Variants in PABPC4 observed in about 807,000 individuals in gnomAD.
PABPC4 encodes poly(A) binding protein cytoplasmic 4, also known as polyadenylate-binding protein 4.
A neutral mutation model predicts 74.5 loss-of-function variants in PABPC4; 15 were observed. The observed-to-expected ratio is 0.20, with a 90% CI of 0.13 to 0.31. PABPC4 has a LOEUF of 0.31. Ranked by LOEUF, PABPC4 falls within the 10% of genes least tolerant of loss-of-function variation. PABPC4 has a pLI of 1.00. For synonymous variants in PABPC4, 345 were observed against 303.0 expected, an observed-to-expected ratio of 1.14 and a Z score of -1.44; for missense variants, 610 against 853.5, an observed-to-expected ratio of 0.71 and a Z score of 3.55.
chr1:39,565,217 C>T lies in PABPC4; in HGVS notation c.1134G>A (p.Leu378=). 1.2e-6 allele frequency: 2 copies of T among 1,614,194 alleles called. No individual in the cohort carries two copies. ...AQRKEERKAH[L]TNQYMQRVAG... ...CCACTCGTTGCATATACTGGTTGGT[C>T]AGGTGAGCCTTTCTCTCTTCCTTCC... The change falls in exon 8 of 16, where the codon CTG becomes CTA. Residue 378 remains leucine, a synonymous_variant. Coordinates refer to ENST00000372858, the MANE Select transcript of PABPC4 (RefSeq NM_001135653.2).
At chr1:39,572,349 G>A (rs1254421269) in intron 2 of PABPC4, 44 bp downstream of exon 2, 1 of 1,378,054 alleles carries the variant, frequency 7.3e-7, no homozygotes. Flanking sequence ...TTGTTTTCAA[G>A]AATCAATTAA....
intron 14 of PABPC4, 117 bp from the exon 15 acceptor site, chr1:39,561,904 GCTAA>G (rs1645774469): frequency 1.7e-6 from 2 of 1,170,732 alleles, no homozygotes; most frequent in East Asian, 2.4e-5. Flanking sequence ...GGCTTCTGGT[GCTAA>G]CTACTTTCCC....
intron 7 of PABPC4, among the ~76,000 whole-genome samples, chr1:39,565,595 C>T (rs976398969): frequency 6.6e-6 from 1 of 151,980 alleles, no homozygotes; most frequent in Admixed American, 6.6e-5. Flanking sequence ...TTTGGGAGGC[C>T]GAGGTGGGTG....
intron 1 of PABPC4, 74 bp downstream of exon 1, chr1:39,575,685 G>C: frequency 7.8e-7 from 1 of 1,286,538 alleles, no homozygotes; most frequent in Non-Finnish European, 1.1e-6. Context: ...CTCCTCGGCA[G>C]GAGGGCCCTG....
rs982250049 is a variant in PABPC4 at position 39,561,930 on chromosome 1, GCAGCCTCCAGTCA to G, written c.1893+130_1893+142del. ...CTAACTACTTTCCCAAATACCCACTGCAGCCTCCAGTCACAGTCAAGGCATGACGAGAGGGGTC... is the reference window on the plus strand; with the variant it reads ...CTAACTACTTTCCCAAATACCCACTGCAGTCAAGGCATGACGAGAGGGGTC... On this transcript the variant is annotated intron_variant, in intron 14 of 15. Transcript: ENST00000372858. 6.8e-5 allele frequency: 79 copies of G among 1,159,484 alleles called. 1 individual carries two copies. The Middle Eastern group carries it at 1.6e-3, about 24-fold the overall frequency. 71.8% of individuals were successfully genotyped at this position (1,159,484 alleles called of 1,614,324 possible). A position where few individuals can be genotyped will look rare whatever the true frequency, so the allele number is the denominator to read the frequency against.
intron 1 of PABPC4, among the ~76,000 whole-genome samples, chr1:39,574,697 G>C (rs1056805501): frequency 6.6e-6 from 1 of 152,228 alleles, no homozygotes; most frequent in Admixed American, 6.5e-5. Context: ...GTAACTCTGG[G>C]CCTCAGACAG....
At chr1:39,563,119 G>C (rs749436638) in intron 12 of PABPC4, 1 of 155,932 alleles carries the variant, frequency 6.4e-6, no homozygotes, top group South Asian at 2.0e-4. Context: ...AAACAAACTA[G>C]TTGCATCTAG....
intron 7 of PABPC4, 114 bp downstream of exon 7, chr1:39,567,636 AG>A: frequency 1.4e-6 from 1 of 702,964 alleles, no homozygotes; most frequent in East Asian, 2.5e-5. Context: ...AGAAAAACGT[AG>A]TAGCTACTTT....
intron 7 of PABPC4, chr1:39,567,297 C>T: frequency 2.2e-6 from 1 of 453,446 alleles, no homozygotes; most frequent in Admixed American, 2.5e-5. Flanking sequence ...ACTCCCCTTT[C>T]CTCTCTTTTT....
intron 14 of PABPC4, 140 bp downstream of exon 14, chr1:39,561,933 G>T: frequency 1.7e-6 from 2 of 1,161,544 alleles, no homozygotes; most frequent in Non-Finnish European, 2.5e-6. Flanking sequence ...ACCCACTGCA[G>T]CCTCCAGTCA....
intron 3 of PABPC4, 28 bp downstream of exon 3, chr1:39,571,206 G>C: frequency 6.2e-7 from 1 of 1,613,686 alleles, no homozygotes; most frequent in Non-Finnish European, 8.5e-7. Context: ...CTCATGCGAT[G>C]GTTGTTGCTC....
At chr1:39,562,641 T>G in intron 12 of PABPC4, 7 of 444,668 alleles carry the variant, frequency 1.6e-5, no homozygotes, top group East Asian at 6.8e-5. Context: ...AATGGCATGC[T>G]ATCAGAAAGC....
At chr1:39,565,077 C>T in intron 8 of PABPC4, 29 bp downstream of exon 8, 2 of 1,610,172 alleles carry the variant, frequency 1.2e-6, no homozygotes, top group Non-Finnish European at 1.7e-6. Flanking sequence ...GGCAGGTTCC[C>T]AAGAGCTGTG....
chr1:39,562,677 A>T, intron 12 of PABPC4: 1 of 399,910 alleles, frequency 2.5e-6, no homozygotes, highest in Non-Finnish European at 4.5e-6. Flanking sequence ...TAATAAAACA[A>T]ACCTATAGTG....
In PABPC4 at chr1:39,565,533, C is replaced by A. The variant is rs550095400; in HGVS notation, c.973-155G>T. On this transcript the variant is annotated intron_variant, in intron 7 of 15. Transcript: ENST00000372858. ...CTTGAGCAATGTAGTGAGACCTCAT[C>A]TCAAAAAAACAAAGGGCCAGGCGCA... is the stretch of plus-strand genomic sequence containing the variant. Among the ~76,000 whole-genome samples, 3 of 151,732 alleles carry A rather than the reference C, an allele frequency of 2.0e-5. 1 individual carries two copies. In the South Asian group the frequency reaches 6.2e-4, roughly 32 times the overall value.
Position 39,563,716 on chromosome 1 carries a change from T to C in PABPC4, c.1566A>G (p.Leu522=), listed in dbSNP as rs1449641702. 2 of 1,614,102 alleles carry C rather than the reference T, an allele frequency of 1.2e-6. No homozygotes were observed. The highest frequency in any genetic ancestry group is 1.7e-6 in the Non-Finnish European group (2 of 1,180,042). The change falls in exon 12 of 16, where the codon TTA becomes TTG. Residue 522 remains leucine, a synonymous_variant. Transcript: ENST00000372858. ...SGGVPTAVQN[L]APRAAVAAAA... Reference sequence around the variant, plus strand: ...CAGCAGCAACAGCAGCGCGTGGCGCTAAGTTCTGCACAGCTGTGGGAACGC... The same window carrying C: ...CAGCAGCAACAGCAGCGCGTGGCGCCAAGTTCTGCACAGCTGTGGGAACGC...
rs1181838862 is a variant in PABPC4 at position 39,564,850 on chromosome 1, T to C, written c.1246-77A>G. On this transcript the variant is annotated intron_variant, in intron 8 of 15. Coordinates refer to ENST00000372858, the MANE Select transcript of PABPC4 (RefSeq NM_001135653.2). The stretch of plus-strand genomic sequence containing the variant: ...AGAGAAGTATCTCATCTCATCTCAC[T>C]AACCAGGACCTAAGCTAATTATTTA... 2.6e-6 allele frequency: 3 copies of C among 1,150,230 alleles called. No homozygotes were observed. In the African/African-American group the frequency reaches 4.6e-5, roughly 18 times the overall value. 71.3% of individuals were successfully genotyped at this position (1,150,230 alleles called of 1,614,324 possible).
intron 1 of PABPC4, among the ~76,000 whole-genome samples, chr1:39,573,687 C>T (rs954583527): frequency 4.6e-5 from 7 of 152,104 alleles, no homozygotes; most frequent in South Asian, 2.1e-4. Flanking sequence ...GGCATGGTGG[C>T]GGGTGCCTGT....
Position 39,568,910 on chromosome 1 carries a change from T to A in PABPC4, c.768A>T (p.Ile256=), listed in dbSNP as rs1645893282. 6.2e-7 allele frequency: 1 copy of A among 1,613,960 alleles called. No homozygotes were observed. Among genetic ancestry groups the A allele is most frequent in the East Asian group, 2.2e-5 (1 of 44,870 alleles). The change falls in exon 6 of 16, where the codon ATA becomes ATT. Residue 256 remains isoleucine, a synonymous_variant. Coordinates refer to ENST00000372858, the MANE Select transcript of PABPC4 (RefSeq NM_001135653.2). Reference sequence around the variant, plus strand: ...GGCCTACAAATATGATTTTACCACTTATTTCTTTTCCATTCATCTCTTCCA... The same window carrying A: ...GGCCTACAAATATGATTTTACCACTAATTTCTTTTCCATTCATCTCTTCCA... ...KAVEEMNGKE[I]SGKIIFVGRA... is the part of the protein sequence containing the mutation.
Sources: gnomAD v4.1 joint callset for allele counts (sites outside exome capture counted in the v4.1 genomes callset) on GRCh38, gnomAD v4.1.1 for gene constraint, MANE v1.5 for transcripts, NCBI Gene and HGNC (gene_info 2026-07-23, HGNC 2026-07-21) for gene names.